PKNOX1: variants seen among roughly 807,000 people sequenced by gnomAD.
PKNOX1 encodes the protein homeobox protein PKNOX1.
A neutral mutation model predicts 51.9 loss-of-function variants in PKNOX1; 15 were observed. That is an observed-to-expected ratio of 0.29 (90% CI 0.19 to 0.45). The LOEUF (loss-of-function observed/expected upper bound fraction) is 0.45, where lower values mean the gene tolerates loss of function less well. Among genes scored for constraint, PKNOX1 ranks in the 20% least tolerant of loss-of-function variants. The pLI is 1.00. For missense variants in PKNOX1, 462 were observed against 547.5 expected (o/e 0.84, Z 1.56); for synonymous variants, 219 against 211.1 (o/e 1.04, Z -0.32).
intron 2 of PKNOX1, 128 bp from the exon 3 acceptor site, chr21:43,007,363 T>G: frequency 3.7e-6 from 3 of 814,110 alleles, no homozygotes; most frequent in Non-Finnish European, 6.0e-6. Flanking sequence ...TTGGTAGCAT[T>G]CTTTACATAT....
intron 4 of PKNOX1, among the ~76,000 whole-genome samples, chr21:43,011,110 C>T (rs1398634797): frequency 8.9e-5 from 13 of 146,356 alleles, no homozygotes; most frequent in African/African-American, 3.3e-4. Flanking sequence ...CTCTGTTGCC[C>T]AGGCTGGAGT....
chr21:43,005,761 C>T (rs1978961238), intron 2 of PKNOX1, among the ~76,000 whole-genome samples: 1 of 152,098 alleles, frequency 6.6e-6, no homozygotes, highest in South Asian at 2.1e-4. Context: ...TCACTCTTCT[C>T]CCTCCTGCCT....
At chr21:42,990,189 G>A (rs947502402) in intron 1 of PKNOX1, among the ~76,000 whole-genome samples, 70 of 151,828 alleles carry the variant, frequency 4.6e-4, no homozygotes, top group African/African-American at 1.5e-3. Context: ...TTGAAATCAG[G>A]TGGTGGTTGC....
chr21:43,029,433 T>C, intron 10 of PKNOX1, among the ~76,000 whole-genome samples: 1 of 134,538 alleles, frequency 7.4e-6, no homozygotes, highest in Middle Eastern at 3.8e-3. Context: ...TGTTTTTTTT[T>C]TTTTTTTTTT....
At chr21:43,023,139 A>T (rs967310210) in intron 8 of PKNOX1, among the ~76,000 whole-genome samples, 3 of 151,780 alleles carry the variant, frequency 2.0e-5, no homozygotes, top group African/African-American at 4.8e-5. Context: ...CTGGGGCAGC[A>T]TCTCTGGCTG....
chr21:42,996,606 GT>G (rs771973727), intron 1 of PKNOX1, among the ~76,000 whole-genome samples: 2 of 152,104 alleles, frequency 1.3e-5, no homozygotes, highest in Non-Finnish European at 2.9e-5. Context: ...GGCTGACTGT[GT>G]TGTGGCTGTA....
At chr21:43,017,556 G>GAA (rs36108864) in intron 6 of PKNOX1, 30 of 147,718 alleles carry the variant, frequency 2.0e-4, no homozygotes, top group Admixed American at 4.7e-4. Flanking sequence ...ACCTCAGTGG[G>GAA]AAAAAAAAAA....
chr21:43,027,468 C>G (rs1425912219), intron 9 of PKNOX1, among the ~76,000 whole-genome samples: 1 of 152,130 alleles, frequency 6.6e-6, no homozygotes, highest in African/African-American at 2.4e-5. Flanking sequence ...GAAAAGCTGG[C>G]CTAGGGATTT....
At chr21:42,989,621 G>A (rs1340225515) in intron 1 of PKNOX1, among the ~76,000 whole-genome samples, 7 of 151,942 alleles carry the variant, frequency 4.6e-5, no homozygotes, top group African/African-American at 1.2e-4. Context: ...GTTTCACCAC[G>A]TTGGCCAGGC....
intron 1 of PKNOX1, among the ~76,000 whole-genome samples, chr21:42,989,085 T>G (rs2059072364): frequency 6.6e-6 from 1 of 152,314 alleles, no homozygotes; most frequent in African/African-American, 2.4e-5. Context: ...ATCCCTTCCT[T>G]TTTCTGTTTG....
intron 7 of PKNOX1, among the ~76,000 whole-genome samples, chr21:43,019,925 A>AT (rs60174298): frequency 1.2e-3 from 103 of 85,884 alleles, no homozygotes; most frequent in African/African-American, 3.5e-3. Flanking sequence ...AGGTGCTCTG[A>AT]TTTTTTTTTT....
At chr21:43,027,992 C>A (rs974606138) in intron 9 of PKNOX1, among the ~76,000 whole-genome samples, 1 of 152,232 alleles carries the variant, frequency 6.6e-6, no homozygotes, top group African/African-American at 2.4e-5. Flanking sequence ...GGAGTCTTAT[C>A]ACAGGCGTGA....
At position 43,032,455 on chromosome 21, in the gene PKNOX1, TTAAGAGTGCTG is replaced by T. The variant is rs1980317917; in HGVS notation, c.*2355_*2365del. ...ACATTCACTAAGCAGTGGATTGAAT[TTAAGAGTGCTG>T]CCCCTGCCCGGCGCAGTAGGGCGTG... On this transcript the variant is annotated 3_prime_UTR_variant, in exon 11 of 11. Transcript: ENST00000291547. The T allele has an allele frequency of 3.4e-6, 1 of 290,414 alleles. No individual in the cohort carries two copies. The highest frequency in any genetic ancestry group is 4.1e-5 in the Admixed American group (1 of 24,224). The allele number at this position is 290,414 out of a possible 1,614,324, so 18.0% of individuals were successfully genotyped here. A position where few individuals can be genotyped will look rare whatever the true frequency, so the allele number is the denominator to read the frequency against.
At chr21:42,993,109 A>G (rs1442987756) in intron 1 of PKNOX1, among the ~76,000 whole-genome samples, 1 of 151,872 alleles carries the variant, frequency 6.6e-6, no homozygotes, top group African/African-American at 2.4e-5. Flanking sequence ...CTTGTTCTCA[A>G]ATGAGTCACT....
chr21:43,029,706 C>A (rs1350439338), intron 10 of PKNOX1, among the ~76,000 whole-genome samples, 184 bp from the exon 11 acceptor site: 1 of 152,138 alleles, frequency 6.6e-6, no homozygotes, highest in Admixed American at 6.5e-5. Context: ...GCTGGGATTA[C>A]AGGCATGAGC....
chr21:43,003,155 A>G (rs1978836587), intron 1 of PKNOX1, among the ~76,000 whole-genome samples: 1 of 152,234 alleles, frequency 6.6e-6, no homozygotes, highest in African/African-American at 2.4e-5. Context: ...TTGCTAGTCC[A>G]GAACAAGTGG....
At position 43,012,961 on chromosome 21, in the gene PKNOX1, G is replaced by A; in HGVS notation, c.352-107G>A. 1.2e-5 allele frequency: 10 copies of A among 828,658 alleles called. No individual in the cohort carries two copies. In the South Asian group the frequency reaches 1.8e-4, roughly 15 times the overall value. The allele number at this position is 828,658 out of a possible 1,614,324, so 51.3% of individuals were successfully genotyped here. ...TGATGTTATTCCACTTTGGTTATTG[G>A]CAGTAGAGATGGTTCTATCTAATGA... On this transcript the variant is annotated intron_variant, in intron 4 of 10. Transcript: ENST00000291547.
intron 1 of PKNOX1, among the ~76,000 whole-genome samples, chr21:42,975,315 C>T (rs532831662): frequency 3.6e-4 from 54 of 150,238 alleles, no homozygotes; most frequent in African/African-American, 1.1e-3. Context: ...TGATGGGGCT[C>T]GTGGCCCTCA....
intron 3 of PKNOX1, among the ~76,000 whole-genome samples, chr21:43,009,312 G>T (rs1206429872): frequency 1.3e-5 from 2 of 152,132 alleles, no homozygotes; most frequent in Admixed American, 1.3e-4. Context: ...AGTCATGGTG[G>T]TGCATGCCTG....
Sources: gnomAD v4.1 joint callset for allele counts (sites outside exome capture counted in the v4.1 genomes callset) on GRCh38, gnomAD v4.1.1 for gene constraint, MANE v1.5 for transcripts, NCBI Gene and HGNC (gene_info 2026-07-23, HGNC 2026-07-21) for gene names.